SLC49A4: variants seen among roughly 807,000 people sequenced by gnomAD.
SLC49A4 encodes the protein disrupted in renal cancer protein 2.
Under a neutral mutation model 50.6 loss-of-function variants are expected in SLC49A4, and 36 were observed. The observed-to-expected ratio is 0.71, with a 90% CI of 0.55 to 0.94. The LOEUF (loss-of-function observed/expected upper bound fraction) is 0.94, where lower values mean the gene tolerates loss of function less well. Ranked by LOEUF, SLC49A4 falls within the 40% of genes least tolerant of loss-of-function variation. SLC49A4 has a pLI of 0.00. For synonymous variants in SLC49A4, 248 were observed against 241.2 expected (o/e 1.03, Z -0.26); for missense variants, 503 against 605.7 (o/e 0.83, Z 1.78).
Position 122,856,869 on chromosome 3 carries a change from A to G in SLC49A4, c.1010+495A>G, listed in dbSNP as rs559025159. On this transcript the variant is annotated intron_variant, in intron 6 of 8. Coordinates refer to ENST00000261038, the MANE Select transcript of SLC49A4 (RefSeq NM_032839.3). ...AAAAAAAAAAGAATTTGCTGCTATA[A>G]GAAAGTTTCTCTGGAGTATCCCTTC... Among the ~76,000 whole-genome samples, 7 of 152,184 alleles carry G rather than the reference A, an allele frequency of 4.6e-5. No homozygotes were observed. The South Asian group carries it at 1.2e-3, about 27-fold the overall frequency.
intron 4 of SLC49A4, 58 bp downstream of exon 4, chr3:122,833,504 A>AT: frequency 6.8e-7 from 1 of 1,474,100 alleles, no homozygotes; most frequent in Non-Finnish European, 9.1e-7. Context: ...GTAACTTCAG[A>AT]TTTTTAAAAA....
At chr3:122,796,208 A>C (rs1013299045) in intron 1 of SLC49A4, among the ~76,000 whole-genome samples, 1 of 152,212 alleles carries the variant, frequency 6.6e-6, no homozygotes, top group Non-Finnish European at 1.5e-5. Flanking sequence ...GAGAAGAAAA[A>C]GCCATAGGGC....
intron 8 of SLC49A4, among the ~76,000 whole-genome samples, chr3:122,878,593 T>G (rs1937294608): frequency 6.6e-6 from 1 of 152,178 alleles, no homozygotes; most frequent in Non-Finnish European, 1.5e-5. Flanking sequence ...AACAACAGAA[T>G]TGCCCATTCA....
intron 2 of SLC49A4, among the ~76,000 whole-genome samples, chr3:122,817,324 C>T (rs1415889860): frequency 6.6e-6 from 1 of 152,148 alleles, no homozygotes; most frequent in Non-Finnish European, 1.5e-5. Flanking sequence ...TGCGGGCGGC[C>T]ACTACAAGCT....
intron 8 of SLC49A4, among the ~76,000 whole-genome samples, chr3:122,876,065 T>G (rs1937262732): frequency 6.6e-6 from 1 of 152,198 alleles, no homozygotes; most frequent in African/African-American, 2.4e-5. Flanking sequence ...AAAAAAAAAG[T>G]TGTTACTTGC....
chr3:122,822,633 T>C (rs927844549), intron 2 of SLC49A4, among the ~76,000 whole-genome samples: 1 of 152,188 alleles, frequency 6.6e-6, no homozygotes, highest in Non-Finnish European at 1.5e-5. Context: ...GACCACTTGC[T>C]CTTATGTTCT....
Position 122,795,160 on chromosome 3 carries a change from G to C in SLC49A4, c.-33G>C. 1 of 1,311,506 alleles carries C rather than the reference G, an allele frequency of 7.6e-7. No homozygotes were observed. Among genetic ancestry groups the C allele is most frequent in the South Asian group, 2.5e-5 (1 of 40,740 alleles). 81.2% of individuals were successfully genotyped at this position (1,311,506 alleles called of 1,614,324 possible). ...GCTAGTCGGCGGTGACCCGGACTGC[G>C]CCCGGCAGTGGCTTCGCGGGCGACG... On this transcript the variant is annotated 5_prime_UTR_variant, in exon 1 of 9. Coordinates refer to ENST00000261038, the MANE Select transcript of SLC49A4 (RefSeq NM_032839.3).
intron 5 of SLC49A4, among the ~76,000 whole-genome samples, chr3:122,854,614 CCTT>C (rs1458441969): frequency 6.6e-6 from 1 of 152,200 alleles, no homozygotes; most frequent in Non-Finnish European, 1.5e-5. Context: ...GAGGCATACA[CCTT>C]CTTCCAAGTT....
chr3:122,860,766 G>A (rs1421800443), intron 7 of SLC49A4, among the ~76,000 whole-genome samples: 1 of 152,118 alleles, frequency 6.6e-6, no homozygotes, highest in Admixed American at 6.5e-5. Flanking sequence ...CATCAATTCA[G>A]AGTCTATTTT....
intron 1 of SLC49A4, among the ~76,000 whole-genome samples, chr3:122,801,065 C>T (rs576073433): frequency 6.6e-6 from 1 of 152,098 alleles, no homozygotes; most frequent in Admixed American, 6.5e-5. Flanking sequence ...AGAGATTTAA[C>T]CAGAGTTGCA....
Position 122,806,375 on chromosome 3 carries a change from ATTTTC to A in SLC49A4, c.344-477_344-473del, listed in dbSNP as rs150337080. ...TTTCCATTAAAGTTAGAATCATCTT[ATTTTC>A]TTTTTTCTTTTTTTGGAAACAGAGT... On this transcript the variant is annotated intron_variant, in intron 1 of 8. Coordinates refer to ENST00000261038, the MANE Select transcript of SLC49A4 (RefSeq NM_032839.3). 2.0e-3 allele frequency among the ~76,000 whole-genome samples: 309 copies of A among 151,868 alleles called. 2 individuals are homozygous for A. Among genetic ancestry groups the A allele is most frequent in the African/African-American group, 7.3e-3 (304 of 41,422 alleles).
At chr3:122,816,109 T>C (rs959232180) in intron 2 of SLC49A4, among the ~76,000 whole-genome samples, 2 of 152,196 alleles carry the variant, frequency 1.3e-5, no homozygotes, top group South Asian at 2.1e-4. Flanking sequence ...GGTATCCACA[T>C]TGATGCCATC....
Position 122,879,293 on chromosome 3 carries a change from G to T in SLC49A4, c.1352G>T (p.Gly451Val), listed in dbSNP as rs766839126. Residue 451 changes from glycine to valine, a missense_variant, in exon 9 of 9, where the codon GGG (glycine) becomes GTG (valine). Transcript: ENST00000261038. ...ELSWFNWCLP[G>V]SCLLSLLLIL... ...TCTTGGTTCAACTGGTGCCTTCCCG[G>T]GTCGTGTTTGCTCAGTCTCCTCCTC... The T allele has an allele frequency of 6.2e-7, 1 of 1,613,920 alleles. No homozygotes were observed. Among genetic ancestry groups the T allele is most frequent in the Non-Finnish European group, 8.5e-7 (1 of 1,179,900 alleles).
intron 4 of SLC49A4, among the ~76,000 whole-genome samples, chr3:122,838,432 C>G (rs1229660871): frequency 6.6e-6 from 1 of 151,856 alleles, no homozygotes; most frequent in African/African-American, 2.4e-5. Flanking sequence ...TGGAAACCAT[C>G]ATTCTCAGCA....
At chr3:122,805,561 G>GT (rs1461211943) in intron 1 of SLC49A4, among the ~76,000 whole-genome samples, 1 of 152,188 alleles carries the variant, frequency 6.6e-6, no homozygotes, top group Non-Finnish European at 1.5e-5. Context: ...TATTCTCTGT[G>GT]TGAAGTGGTT....
At chr3:122,808,099 A>G (rs1010411152) in intron 2 of SLC49A4, among the ~76,000 whole-genome samples, 1 of 151,848 alleles carries the variant, frequency 6.6e-6, no homozygotes, top group African/African-American at 2.4e-5. Flanking sequence ...CTATGTGCCA[A>G]CCTCTTTGTG....
chr3:122,822,780 T>C (rs1936471314), intron 2 of SLC49A4, among the ~76,000 whole-genome samples: 1 of 151,430 alleles, frequency 6.6e-6, no homozygotes, highest in South Asian at 2.1e-4. Flanking sequence ...TTCTCTAGTG[T>C]TTCTTCCCCA....
intron 5 of SLC49A4, among the ~76,000 whole-genome samples, chr3:122,849,356 C>T (rs1936895665): frequency 6.6e-6 from 1 of 152,130 alleles, no homozygotes; most frequent in East Asian, 1.9e-4. Context: ...AATGGGATTG[C>T]TACATCATAT....
chr3:122,805,714 C>T (rs879425577), intron 1 of SLC49A4, among the ~76,000 whole-genome samples: 5 of 152,178 alleles, frequency 3.3e-5, no homozygotes, highest in Non-Finnish European at 5.9e-5. Flanking sequence ...AGCATTCCAA[C>T]AATAGGAGGA....
Sources: allele counts gnomAD v4.1 joint callset (sites outside exome capture counted in the v4.1 genomes callset), GRCh38; gene constraint gnomAD v4.1.1; transcripts MANE v1.5; gene names NCBI Gene and HGNC (gene_info 2026-07-23, HGNC 2026-07-21).